Variants in PTPRD observed in about 807,000 individuals in gnomAD.
The protein encoded by PTPRD is protein tyrosine phosphatase receptor type D, also known as receptor-type tyrosine-protein phosphatase delta.
A neutral mutation model predicts 214.5 loss-of-function variants in PTPRD; 34 were observed. The observed-to-expected ratio is 0.16, with a 90% CI of 0.12 to 0.21. The LOEUF (loss-of-function observed/expected upper bound fraction) is 0.21. Among genes scored for constraint, PTPRD ranks in the 10% least tolerant of loss-of-function variants. PTPRD has a pLI of 1.00. For synonymous variants in PTPRD, 1,128 were observed against 845.7 expected (o/e 1.33, Z -5.79); for missense variants, 2,545 against 2,398.7 (o/e 1.06, Z -1.27).
chr9:9,536,508 A>G (rs1421251646), intron 8 of PTPRD, among the ~76,000 whole-genome samples: 1 of 152,038 alleles, frequency 6.6e-6, no homozygotes, highest in South Asian at 2.1e-4. Flanking sequence ...AAAACCAATC[A>G]ACCCGTTTAA....
At chr9:9,666,725 G>C (rs1453665422) in intron 7 of PTPRD, among the ~76,000 whole-genome samples, 1 of 151,894 alleles carries the variant, frequency 6.6e-6, no homozygotes, top group Admixed American at 6.6e-5. Flanking sequence ...GTTGCATCTA[G>C]TTTCTCATTC....
chr9:9,979,969 G>C (rs1410271335), intron 4 of PTPRD, among the ~76,000 whole-genome samples: 1 of 152,244 alleles, frequency 6.6e-6, no homozygotes, highest in African/African-American at 2.4e-5. Flanking sequence ...CCTGATCATA[G>C]ACTCTTGTTG....
chr9:9,350,152 C>G (rs2050551087), intron 9 of PTPRD, among the ~76,000 whole-genome samples: 1 of 152,072 alleles, frequency 6.6e-6, no homozygotes, highest in East Asian at 1.9e-4. Flanking sequence ...TGAGAAACAT[C>G]TTTTTTCAGC....
intron 11 of PTPRD, among the ~76,000 whole-genome samples, chr9:8,953,313 A>G (rs1323021060): frequency 1.3e-5 from 2 of 151,976 alleles, no homozygotes; most frequent in South Asian, 2.1e-4. Flanking sequence ...CATATGCAGA[A>G]GAATGAAACT....
chr9:8,634,025 T>C (rs1002924292), intron 13 of PTPRD, among the ~76,000 whole-genome samples: 1 of 151,948 alleles, frequency 6.6e-6, no homozygotes, highest in Non-Finnish European at 1.5e-5. Flanking sequence ...ATGGTGTGCA[T>C]TAATTTTGCC....
intron 4 of PTPRD, among the ~76,000 whole-genome samples, chr9:10,013,653 G>C (rs1157774404): frequency 6.6e-6 from 1 of 151,524 alleles, no homozygotes; most frequent in Non-Finnish European, 1.5e-5. Flanking sequence ...ATTTTACAAA[G>C]ACTCCAGTAC....
chr9:10,131,403 T>G (rs1017924117), intron 3 of PTPRD, among the ~76,000 whole-genome samples: 5 of 152,174 alleles, frequency 3.3e-5, no homozygotes, highest in Non-Finnish European at 7.3e-5. Context: ...CCATTCCACA[T>G]AAAGCCTGTA....
At chr9:8,543,356 T>C (rs1593235639) in intron 14 of PTPRD, among the ~76,000 whole-genome samples, 1 of 152,210 alleles carries the variant, frequency 6.6e-6, no homozygotes, top group African/African-American at 2.4e-5. Context: ...CATGACATAA[T>C]CCACCAATCC....
chr9:9,628,793 T>C (rs931792909), intron 7 of PTPRD, among the ~76,000 whole-genome samples: 4 of 151,944 alleles, frequency 2.6e-5, no homozygotes, highest in Non-Finnish European at 4.4e-5. Flanking sequence ...TACATTTTTA[T>C]AGGAATAAAA....
chr9:8,846,719 G>T (rs10118541), intron 11 of PTPRD, among the ~76,000 whole-genome samples: 5,361 of 152,258 alleles, frequency 0.035, 144 homozygotes, highest in Middle Eastern at 0.099. Flanking sequence ...GCTCAAGTGT[G>T]TGTGTGTTAG....
At chr9:9,442,013 G>A (rs951182450) in intron 8 of PTPRD, 2 of 152,240 alleles carry the variant, frequency 1.3e-5, no homozygotes, top group African/African-American at 2.4e-5. Flanking sequence ...TCCAGAGCTT[G>A]AAAACAAAAA....
intron 2 of PTPRD, among the ~76,000 whole-genome samples, chr9:10,369,749 G>A (rs1349857331): frequency 6.6e-6 from 1 of 151,928 alleles, no homozygotes. Flanking sequence ...AGTCTTGAAA[G>A]CTAATCTTCA....
At chr9:8,538,583 G>C (rs1043673948) in intron 14 of PTPRD, among the ~76,000 whole-genome samples, 5 of 151,416 alleles carry the variant, frequency 3.3e-5, no homozygotes, top group African/African-American at 9.7e-5. Context: ...GGAACTAATA[G>C]TGTTGGTGTG....
intron 9 of PTPRD, among the ~76,000 whole-genome samples, chr9:9,295,692 C>G (rs901704175): frequency 1.5e-4 from 23 of 151,746 alleles, no homozygotes; most frequent in African/African-American, 4.3e-4. Flanking sequence ...TGTGTCATGA[C>G]ATAAAATGTA....
chr9:10,491,715 CT>C (rs562113755), intron 2 of PTPRD, among the ~76,000 whole-genome samples: 121 of 145,876 alleles, frequency 8.3e-4, no homozygotes, highest in Non-Finnish European at 1.3e-3. Context: ...GGGTTTCTTT[CT>C]TTTTTTTTTT....
At chr9:8,404,444 A>C in intron 36 of PTPRD, 93 bp downstream of exon 36, 2 of 1,467,944 alleles carry the variant, frequency 1.4e-6, no homozygotes, top group Non-Finnish European at 1.8e-6. Context: ...AATTACTTTC[A>C]GAGATGGTTA....
At chr9:10,347,274 A>G (rs1185778831) in intron 2 of PTPRD, among the ~76,000 whole-genome samples, 1 of 151,932 alleles carries the variant, frequency 6.6e-6, no homozygotes, top group Non-Finnish European at 1.5e-5. Flanking sequence ...TTCCTCTCAA[A>G]TTATTTCTTT....
chr9:8,542,829 C>T (rs913013179), intron 14 of PTPRD, among the ~76,000 whole-genome samples: 10 of 152,212 alleles, frequency 6.6e-5, no homozygotes, highest in Admixed American at 2.6e-4. Flanking sequence ...TCACTACAGA[C>T]GCACCAGAAG....
rs1215898751 is a variant in PTPRD, at chr9:9,147,257, T to C, written c.-143+36047A>G. Among the ~76,000 whole-genome samples the C allele has an allele frequency of 6.6e-5, 10 of 152,148 alleles. No homozygotes were observed. In the South Asian group the frequency reaches 2.1e-3, roughly 32 times the overall value. On this transcript the variant is annotated intron_variant, in intron 10 of 45. Coordinates refer to ENST00000381196, the MANE Select transcript of PTPRD (RefSeq NM_002839.4). ...ATCCATTAATTGGCAAAACTATTCT[T>C]TGGAGTAATCACAGTGACTCTGGAA...
Sources: gnomAD v4.1 joint callset for allele counts (sites outside exome capture counted in the v4.1 genomes callset) on GRCh38, gnomAD v4.1.1 for gene constraint, MANE v1.5 for transcripts, NCBI Gene and HGNC (gene_info 2026-07-23, HGNC 2026-07-21) for gene names.